KCNC4: variants seen among roughly 807,000 people sequenced by gnomAD.
The protein encoded by KCNC4 is voltage-gated potassium channel KCNC4.
KCNC4 carries 23 observed loss-of-function variants against 42.8 expected under a neutral mutation model. That is an observed-to-expected ratio of 0.54 (90% CI 0.39 to 0.76). The LOEUF (loss-of-function observed/expected upper bound fraction) is 0.76. KCNC4 is among the 30% of genes least tolerant of loss of function. The pLI, the probability that KCNC4 is intolerant of heterozygous loss-of-function variation, is 0.00. For synonymous variants in KCNC4, 422 were observed against 393.5 expected (o/e 1.07, Z -0.86); for missense variants, 751 against 898.2 (o/e 0.84, Z 2.10).
chr1:110,249,912 C>A (rs1224987386), downstream of KCNC4, among the ~76,000 whole-genome samples: 1 of 152,198 alleles, frequency 6.6e-6, no homozygotes, highest in Non-Finnish European at 1.5e-5. Flanking sequence ...TCTTCTCTCC[C>A]AGTCCCTAGC....
At chr1:110,268,905 T>G (rs1042911679) in intron 1 of KCNC4, among the ~76,000 whole-genome samples, 3 of 151,812 alleles carry the variant, frequency 2.0e-5, no homozygotes, top group African/African-American at 7.2e-5. Flanking sequence ...ATTTTTTGTA[T>G]TTTTAGTAGA....
At chr1:110,265,136 C>G (rs1030122654) in intron 1 of KCNC4, among the ~76,000 whole-genome samples, 2 of 150,282 alleles carry the variant, frequency 1.3e-5, no homozygotes, top group African/African-American at 4.9e-5. Context: ...AGTACAAAAC[C>G]ACTTGCAATC....
exon 4 of KCNC4, chr1:110,244,706 A>T (rs1001682871): frequency 2.0e-5 from 3 of 152,264 alleles, no homozygotes; most frequent in Non-Finnish European, 4.4e-5. Flanking sequence ...ATTTAGCCCA[A>T]TCCAAGGTGT....
intron 1 of KCNC4, among the ~76,000 whole-genome samples, chr1:110,271,902 T>G (rs548648304): frequency 6.6e-6 from 1 of 152,112 alleles, no homozygotes; most frequent in Non-Finnish European, 1.5e-5. Context: ...CATGAAAGGC[T>G]AAGACTCACT....
At position 110,211,460 on chromosome 1, in the gene KCNC4, G is replaced by C. The variant is rs2100974124; in HGVS notation, c.-40G>C. ...GCCTCCTCGGGAAGGGTGTTTGGAGGGCAGCGGCCGCCCCAAGCCGGAGCC... is the reference window on the plus strand; with the variant it reads ...GCCTCCTCGGGAAGGGTGTTTGGAGCGCAGCGGCCGCCCCAAGCCGGAGCC... On this transcript the variant is annotated 5_prime_UTR_variant, in exon 1 of 4. Transcript: ENST00000438661. The surrounding 1 kb of genome is among the most constrained non-coding windows in gnomAD (Gnocchi z 6.5). 2 of 1,571,186 alleles carry C rather than the reference G, an allele frequency of 1.3e-6. No individual in the cohort carries two copies. Among genetic ancestry groups the C allele is most frequent in the Non-Finnish European group, 1.7e-6 (2 of 1,155,122 alleles).
At chr1:110,226,616 A>T (rs1177804048) in intron 3 of KCNC4, among the ~76,000 whole-genome samples, 1 of 152,126 alleles carries the variant, frequency 6.6e-6, no homozygotes, top group Non-Finnish European at 1.5e-5. Flanking sequence ...TTCAAGAGTC[A>T]GGGAGCCCCA....
rs7545960 is a variant in KCNC4 at position 110,211,143 on chromosome 1, G to C, written c.-357G>C. Among the ~76,000 whole-genome samples, 60,684 of 152,208 alleles carry C rather than the reference G, an allele frequency of 0.4. 13,305 individuals are homozygous for C. Among genetic ancestry groups the C allele is most frequent in the Non-Finnish European group, 0.5 (33,663 of 68,000 alleles). ...GTGCGCGTGGACTGTGCGCTTCCTC[G>C]TCTTTGGTCGGGGTGAAGGCGGGGG... On this transcript the variant is annotated 5_prime_UTR_variant, in exon 1 of 4. Transcript: ENST00000438661. The surrounding 1 kb of genome is among the most constrained non-coding windows in gnomAD (Gnocchi z 6.5).
exon 4 of KCNC4, chr1:110,248,600 C>T (rs1659197793): frequency 1.3e-5 from 2 of 152,104 alleles, no homozygotes; most frequent in Admixed American, 1.3e-4. Flanking sequence ...TCCTCAAATG[C>T]TCTTTGAATC....
chr1:110,279,584 G>A (rs1295039664), intron 1 of KCNC4, among the ~76,000 whole-genome samples: 1 of 152,118 alleles, frequency 6.6e-6, no homozygotes, highest in African/African-American at 2.4e-5. Flanking sequence ...GTGATCCTGG[G>A]AAAGGAGAGA....
intron 1 of KCNC4, among the ~76,000 whole-genome samples, chr1:110,214,683 C>CCA (rs1432564661): frequency 6.6e-6 from 1 of 152,178 alleles, no homozygotes; most frequent in Non-Finnish European, 1.5e-5. Flanking sequence ...TCCCTGACTC[C>CCA]CAAGCCCTTG....
intron 1 of KCNC4, chr1:110,222,486 A>G (rs149382747): frequency 1.7e-4 from 28 of 163,162 alleles, no homozygotes; most frequent in Non-Finnish European, 3.5e-4. Context: ...GTCCAGGACC[A>G]TACTTTGAGG....
intron 1 of KCNC4, among the ~76,000 whole-genome samples, chr1:110,258,892 T>G (rs1408773045): frequency 6.6e-6 from 1 of 152,124 alleles, no homozygotes; most frequent in Admixed American, 6.5e-5. Context: ...TGCTCCCATC[T>G]CCTCTTGTCT....
At chr1:110,230,506 C>A (rs899416380) in intron 3 of KCNC4, among the ~76,000 whole-genome samples, 4 of 152,194 alleles carry the variant, frequency 2.6e-5, no homozygotes, top group African/African-American at 9.7e-5. Flanking sequence ...GGAACCGAGG[C>A]CGCTATTTCT....
rs543719811 is a variant in KCNC4, at chr1:110,218,480, G to A, written c.679-4484G>A. Among the ~76,000 whole-genome samples the A allele has an allele frequency of 3.3e-5, 5 of 152,042 alleles. No individual in the cohort carries two copies. In the South Asian group the frequency reaches 6.2e-4, roughly 19 times the overall value. On this transcript the variant is annotated intron_variant, in intron 1 of 3. Transcript: ENST00000438661. ...AAACAACTCCCCTATCCTCCCACCCGTTATCTCCTTTTTCTCTTTATTTTT... is the reference window on the plus strand; with the variant it reads ...AAACAACTCCCCTATCCTCCCACCCATTATCTCCTTTTTCTCTTTATTTTT...
Position 110,262,749 on chromosome 1 carries a change from T to G in KCNC4, n.31-19785T>G, listed in dbSNP as rs186492150. The stretch of plus-strand genomic sequence containing the variant: ...CCTACTAAGTGGAGGTCTAGATTTG[T>G]GACAAGGTACTTCTTAGGTCCCATT... On this transcript the variant is annotated intron_variant and non_coding_transcript_variant, in intron 1 of 2. Coordinates refer to the KCNC4 transcript ENST00000412512. 2.8e-4 allele frequency among the ~76,000 whole-genome samples: 42 copies of G among 152,342 alleles called. 1 individual carries two copies. The highest frequency in any genetic ancestry group is 2.6e-3 in the Admixed American group (40 of 15,302).
exon 4 of KCNC4, chr1:110,246,762 TTTTC>T: frequency 1.1e-5 from 1 of 89,736 alleles, no homozygotes; most frequent in Admixed American, 1.1e-4. Context: ...TTTCTTTTTC[TTTTC>T]TTTTTTTTTT....
At chr1:110,212,960 G>A (rs559536632) in intron 1 of KCNC4, among the ~76,000 whole-genome samples, 4 of 152,072 alleles carry the variant, frequency 2.6e-5, no homozygotes, top group South Asian at 4.2e-4. Context: ...TTTTGTTGCC[G>A]CTTCTTTTCT....
chr1:110,220,668 C>T (rs1276843573), intron 1 of KCNC4: 2 of 152,208 alleles, frequency 1.3e-5, no homozygotes, highest in Non-Finnish European at 2.9e-5. Context: ...ACCTCAACCA[C>T]TCTGTTTTTC....
rs1366256292 is a variant in KCNC4 at position 110,233,051 on chromosome 1, T to C, written c.*79T>C. 6.6e-7 allele frequency: 1 copy of C among 1,513,878 alleles called. No homozygotes were observed. The highest frequency in any genetic ancestry group is 9.0e-7 in the Non-Finnish European group (1 of 1,115,188). 93.8% of individuals were successfully genotyped at this position (1,513,878 alleles called of 1,614,324 possible). A position where few individuals can be genotyped will look rare whatever the true frequency, so the allele number is the denominator to read the frequency against. ...GGAAACTCTGGAACCCAGACAAGAA[T>C]CTTTTCGCTGGGAAAGACTCAGATA... On this transcript the variant is annotated 3_prime_UTR_variant, in exon 4 of 4. Transcript: ENST00000438661.
Sources: gnomAD v4.1 joint callset for allele counts (sites outside exome capture counted in the v4.1 genomes callset) on GRCh38, gnomAD v4.1.1 for gene constraint, Gnocchi (gnomAD v3.1) non-coding constraint, MANE v1.5 for transcripts, NCBI Gene and HGNC (gene_info 2026-07-23, HGNC 2026-07-21) for gene names.